Variants in DPYD observed in about 807,000 individuals in gnomAD.
DPYD encodes dihydropyrimidine dehydrogenase, also known as dihydropyrimidine dehydrogenase [NADP(+)].
In DPYD, 109 loss-of-function variants were observed where a neutral mutation model predicts 116.2. The observed-to-expected ratio is 0.94, with a 90% confidence interval of 0.80 to 1.10. The LOEUF (loss-of-function observed/expected upper bound fraction) is 1.10. DPYD is among the 50% of genes least tolerant of loss of function. The probability of loss-of-function intolerance (pLI) is 0.00; values close to 1 mark genes in which losing one functional copy is unlikely to be tolerated. For missense variants in DPYD, 1,302 were observed against 1,254.5 expected, an observed-to-expected ratio of 1.04 and a Z score of -0.57; for synonymous variants, 440 against 432.0, an observed-to-expected ratio of 1.02 and a Z score of -0.23.
At chr1:97,390,193 A>G (rs770183948) in intron 14 of DPYD, among the ~76,000 whole-genome samples, 2 of 152,078 alleles carry the variant, frequency 1.3e-5, no homozygotes, top group Non-Finnish European at 2.9e-5. Flanking sequence ...TGTGAACTAC[A>G]TAGGAAATCC....
intron 20 of DPYD, among the ~76,000 whole-genome samples, chr1:97,102,681 C>T (rs1013559240): frequency 1.3e-5 from 2 of 151,546 alleles, no homozygotes; most frequent in Non-Finnish European, 2.9e-5. Context: ...TATTGAATAT[C>T]CACTCTGGGC....
chr1:97,719,492 A>T (rs1662804119), intron 5 of DPYD, among the ~76,000 whole-genome samples: 2 of 152,026 alleles, frequency 1.3e-5, no homozygotes, highest in Admixed American at 6.6e-5. Context: ...AAACAATCAA[A>T]ATATAAAATT....
At position 97,324,774 on chromosome 1, in the gene DPYD, G is replaced by T. The variant is rs145778184; in HGVS notation, c.2059-18477C>A. Reference sequence around the variant, plus strand: ...ATAATTCAGGAGACCCTTGCAGAAAGAAGTGATAAATATCACCCAGATCCA... The same window carrying T: ...ATAATTCAGGAGACCCTTGCAGAAATAAGTGATAAATATCACCCAGATCCA... On this transcript the variant is annotated intron_variant, in intron 16 of 22. Coordinates refer to ENST00000370192, the MANE Select transcript of DPYD (RefSeq NM_000110.4). Among the ~76,000 whole-genome samples, 21 of 152,058 alleles carry T rather than the reference G, an allele frequency of 1.4e-4. No individual in the cohort carries two copies. In the East Asian group the frequency reaches 2.3e-3, roughly 17 times the overall value.
chr1:97,542,366 T>G (rs1650509508), intron 12 of DPYD, among the ~76,000 whole-genome samples: 1 of 152,102 alleles, frequency 6.6e-6, no homozygotes, highest in Non-Finnish European at 1.5e-5. Context: ...AACAAAAGGT[T>G]TTATTGTTTG....
At chr1:97,369,057 T>G (rs1017983414) in intron 16 of DPYD, among the ~76,000 whole-genome samples, 4 of 152,132 alleles carry the variant, frequency 2.6e-5, no homozygotes, top group Non-Finnish European at 4.4e-5. Context: ...AAGTAAAATA[T>G]GTAATATAAT....
At chr1:97,115,097 T>G (rs532671752) in intron 20 of DPYD, among the ~76,000 whole-genome samples, 1 of 152,340 alleles carries the variant, frequency 6.6e-6, no homozygotes, top group South Asian at 2.1e-4. Flanking sequence ...TGTCTTTAAG[T>G]TACGGCCAAA....
Position 97,359,161 on chromosome 1 carries a change from C to A in DPYD, c.2058+14400G>T, listed in dbSNP as rs555083867. Among the ~76,000 whole-genome samples the A allele has an allele frequency of 8.6e-5, 13 of 151,950 alleles. No homozygotes were observed. The South Asian group carries it at 2.7e-3, about 32-fold the overall frequency. Reference sequence around the variant, plus strand: ...AAACCATGACACGAGAACTACGTGACACATGCACAAGCTTCAATAGCCAAT... The same window carrying A: ...AAACCATGACACGAGAACTACGTGAAACATGCACAAGCTTCAATAGCCAAT... On this transcript the variant is annotated intron_variant, in intron 16 of 22. Coordinates refer to ENST00000370192, the MANE Select transcript of DPYD (RefSeq NM_000110.4).
intron 12 of DPYD, among the ~76,000 whole-genome samples, chr1:97,527,179 C>T (rs1045029765): frequency 2.6e-5 from 4 of 151,638 alleles, no homozygotes; most frequent in Admixed American, 6.6e-5. Context: ...CCCGGGTTCA[C>T]GCCATTTTCC....
chr1:97,313,054 T>C (rs532209717), intron 16 of DPYD, among the ~76,000 whole-genome samples: 1 of 152,034 alleles, frequency 6.6e-6, no homozygotes, highest in East Asian at 2.0e-4. Context: ...AACTAGAGTC[T>C]GCAAGGAAAT....
At chr1:97,280,015 A>G (rs1665206816) in intron 18 of DPYD, 1 of 152,182 alleles carries the variant, frequency 6.6e-6, no homozygotes, top group East Asian at 1.9e-4. Context: ...GTTTATCCCC[A>G]GAGAAAAGAC....
chr1:97,244,941 C>T (rs1190938089), intron 18 of DPYD, among the ~76,000 whole-genome samples: 1 of 152,044 alleles, frequency 6.6e-6, no homozygotes, highest in East Asian at 1.9e-4. Context: ...TGGGATTATA[C>T]AGTGTGTCTT....
At chr1:97,304,195 C>A (rs1229556180) in intron 18 of DPYD, among the ~76,000 whole-genome samples, 1 of 151,942 alleles carries the variant, frequency 6.6e-6, no homozygotes, top group African/African-American at 2.4e-5. Flanking sequence ...AAACATAGTG[C>A]ATGTTACAGC....
chr1:97,317,652 G>A (rs1284881601), intron 16 of DPYD, among the ~76,000 whole-genome samples: 2 of 151,926 alleles, frequency 1.3e-5, no homozygotes, highest in African/African-American at 2.4e-5. Context: ...TAAAACCTCA[G>A]TATTTTTATA....
At chr1:97,203,967 A>G (rs974356163) in intron 19 of DPYD, among the ~76,000 whole-genome samples, 2 of 152,070 alleles carry the variant, frequency 1.3e-5, no homozygotes, top group African/African-American at 4.8e-5. Flanking sequence ...AGAGAGTACA[A>G]CTTGGCTGTT....
intron 11 of DPYD, among the ~76,000 whole-genome samples, chr1:97,561,610 A>G (rs2102135551): frequency 6.6e-6 from 1 of 152,338 alleles, no homozygotes. Flanking sequence ...TGTAGCAAAC[A>G]TATTTAATCT....
At chr1:97,831,822 T>C (rs918516619) in intron 2 of DPYD, among the ~76,000 whole-genome samples, 2 of 151,588 alleles carry the variant, frequency 1.3e-5, no homozygotes, top group South Asian at 2.1e-4. Flanking sequence ...AATAAAATAC[T>C]GGAACAAAAC....
chr1:97,799,290 A>G (rs529370249), intron 3 of DPYD, among the ~76,000 whole-genome samples: 26 of 152,048 alleles, frequency 1.7e-4, no homozygotes, highest in African/African-American at 6.3e-4. Context: ...TCAAGTAAAA[A>G]CAACAAGTTA....
At chr1:97,398,216 G>C (rs546046456) in intron 14 of DPYD, among the ~76,000 whole-genome samples, 7 of 152,040 alleles carry the variant, frequency 4.6e-5, no homozygotes, top group African/African-American at 1.7e-4. Context: ...CTGTCCTTGC[G>C]ATAGTGTGCT....
intron 4 of DPYD, among the ~76,000 whole-genome samples, chr1:97,728,637 C>A (rs551361592): frequency 1.3e-5 from 2 of 151,970 alleles, no homozygotes; most frequent in African/African-American, 4.8e-5. Context: ...AAGATAAACT[C>A]CAATCTGCTG....
Sources: gnomAD v4.1 joint callset for allele counts (sites outside exome capture counted in the v4.1 genomes callset) on GRCh38, gnomAD v4.1.1 for gene constraint, MANE v1.5 for transcripts, NCBI Gene and HGNC (gene_info 2026-07-23, HGNC 2026-07-21) for gene names.